The following EGFR variants were observed in gnomAD, a reference collection of about 807,000 sequenced individuals.
The protein encoded by EGFR is epidermal growth factor receptor.
Under a neutral mutation model 143.0 loss-of-function variants are expected in EGFR, and 58 were observed. The observed-to-expected ratio is 0.41, with a 90% confidence interval of 0.33 to 0.50. EGFR has a LOEUF of 0.50. Ranked by LOEUF, EGFR falls within the 20% of genes least tolerant of loss-of-function variation. The pLI, the probability that EGFR is intolerant of heterozygous loss-of-function variation, is 0.39. For synonymous variants in EGFR, 613 were observed against 594.4 expected (o/e 1.03, Z -0.45); for missense variants, 1,307 against 1,579.0 (o/e 0.83, Z 2.92).
At chr7:55,184,505 G>A (rs1257055291) in intron 20 of EGFR, among the ~76,000 whole-genome samples, 2 of 152,138 alleles carry the variant, frequency 1.3e-5, no homozygotes, top group Non-Finnish European at 2.9e-5. Context: ...ATATAATAGT[G>A]TCCATTACAG....
At chr7:55,173,242 C>T (rs1005871560) in intron 17 of EGFR, 118 bp downstream of exon 17, 27 of 1,418,062 alleles carry the variant, frequency 1.9e-5, no homozygotes, top group African/African-American at 1.8e-4. Context: ...TATTATGATG[C>T]AGAAAGAATC....
At chr7:55,068,474 T>C (rs939466149) in intron 1 of EGFR, among the ~76,000 whole-genome samples, 4 of 152,348 alleles carry the variant, frequency 2.6e-5, no homozygotes, top group East Asian at 1.9e-4. Context: ...AATGGTTTTC[T>C]TCAGAGATAG....
At chr7:55,104,672 C>T (rs550414213) in intron 1 of EGFR, among the ~76,000 whole-genome samples, 120 of 152,346 alleles carry the variant, frequency 7.9e-4, no homozygotes, top group Non-Finnish European at 1.5e-3. Flanking sequence ...CCCTGCCTGG[C>T]TTGATCCAGT....
chr7:55,127,836 A>G (rs1020385794), intron 1 of EGFR, among the ~76,000 whole-genome samples: 14 of 152,190 alleles, frequency 9.2e-5, no homozygotes, highest in African/African-American at 2.9e-4. Flanking sequence ...TTCAGATTAC[A>G]GATTGCAGAC....
At chr7:55,061,133 A>T (rs952472256) in intron 1 of EGFR, among the ~76,000 whole-genome samples, 2 of 152,244 alleles carry the variant, frequency 1.3e-5, no homozygotes, top group South Asian at 2.1e-4. Flanking sequence ...AGTGGGAACT[A>T]CTTAAGGGGA....
Position 55,137,341 on chromosome 7 carries a change from G to T in EGFR, c.89-4945G>T, listed in dbSNP as rs572034702. 4.6e-5 allele frequency among the ~76,000 whole-genome samples: 7 copies of T among 152,260 alleles called. 1 individual carries two copies. Among genetic ancestry groups the T allele is most frequent in the African/African-American group, 1.7e-4 (7 of 41,538 alleles). ...TAAAACAATTATAGTTTACTTAGAC[G>T]ATTCTAAGTGTCTAAGTGGATTTGG... is the stretch of plus-strand genomic sequence containing the variant. On this transcript the variant is annotated intron_variant, in intron 1 of 27. Coordinates refer to ENST00000275493, the MANE Select transcript of EGFR (RefSeq NM_005228.5).
At chr7:55,117,856 A>C (rs1412594374) in intron 1 of EGFR, among the ~76,000 whole-genome samples, 1 of 152,170 alleles carries the variant, frequency 6.6e-6, no homozygotes. Flanking sequence ...TAGATTTCCT[A>C]GGCCAAAACA....
intron 1 of EGFR, among the ~76,000 whole-genome samples, chr7:55,082,071 G>A (rs1790496580): frequency 6.6e-6 from 1 of 152,190 alleles, no homozygotes; most frequent in South Asian, 2.1e-4. Context: ...GCTGGGTGGT[G>A]TCCCACAGTT....
At chr7:55,166,603 TTGATGGTGG>T in intron 15 of EGFR, among the ~76,000 whole-genome samples, 1 of 100,780 alleles carries the variant, frequency 9.9e-6, no homozygotes, top group Non-Finnish European at 2.2e-5. Context: ...AATGGTGGTG[TTGATGGTGG>T]TGATGGTGGT....
chr7:55,075,191 T>TA (rs36085258), intron 1 of EGFR, among the ~76,000 whole-genome samples: 10,370 of 134,860 alleles, frequency 0.077, 492 homozygotes, highest in South Asian at 0.14. Flanking sequence ...AAGCAGGAGC[T>TA]AAAAAAAAAA....
chr7:55,140,937 C>A (rs1455455306), intron 1 of EGFR, among the ~76,000 whole-genome samples: 1 of 152,202 alleles, frequency 6.6e-6, no homozygotes, highest in Non-Finnish European at 1.5e-5. Context: ...TGCTCATTTC[C>A]ATGGCTCATT....
chr7:55,074,140 A>C (rs1053705754), intron 1 of EGFR, among the ~76,000 whole-genome samples: 1 of 152,204 alleles, frequency 6.6e-6, no homozygotes, highest in South Asian at 2.1e-4. Context: ...GCTCTGGCTC[A>C]TTCTAAGGTA....
chr7:55,083,695 A>G (rs926211463), intron 1 of EGFR, among the ~76,000 whole-genome samples: 12 of 152,260 alleles, frequency 7.9e-5, no homozygotes, highest in African/African-American at 2.7e-4. Context: ...TCCTGAAAAA[A>G]AATGGCTACT....
rs559394214 is a variant in EGFR at position 55,032,748 on chromosome 7, A to C, written c.88+13383A>C. Among the ~76,000 whole-genome samples, 3 of 152,306 alleles carry C rather than the reference A, an allele frequency of 2.0e-5. No individual in the cohort carries two copies. In the South Asian group the frequency reaches 6.2e-4, roughly 32 times the overall value. ...ATAGAGTTGATTCTCCTAACAAATC[A>C]GTGTCCCTTTGTATTTTTTTCTGGC... On this transcript the variant is annotated intron_variant, in intron 1 of 27. Transcript: ENST00000275493.
rs712829 is a variant in EGFR at position 55,019,062 on chromosome 7, G to T, written c.-216G>T. On this transcript the variant is annotated 5_prime_UTR_variant, in exon 1 of 28. Transcript: ENST00000275493. ...GCGCAGCGCGGCCGCAGCAGCCTCC[G>T]CCCCCCGCACGGTGTGAGCGCCCGA... 82,564 of 265,078 alleles carry T rather than the reference G, an allele frequency of 0.31. 14,066 individuals carry two copies. The highest frequency in any genetic ancestry group is 0.51 in the Middle Eastern group (465 of 912). The allele number at this position is 265,078 out of a possible 1,614,324, so 16.4% of individuals were successfully genotyped here. A position where few individuals can be genotyped will look rare whatever the true frequency, so the allele number is the denominator to read the frequency against.
At position 55,204,196 on chromosome 7, in the gene EGFR, T is replaced by C. The variant is rs181820161; in HGVS notation, c.3272-1060T>C. On this transcript the variant is annotated intron_variant, in intron 27 of 27. Coordinates refer to ENST00000275493, the MANE Select transcript of EGFR (RefSeq NM_005228.5). ...ACACAGACACACACGACACACACCA[T>C]ACACATGTACACACACACCACATAT... Among the ~76,000 whole-genome samples the C allele has an allele frequency of 5.6e-4, 81 of 144,560 alleles. 1 individual carries two copies. The highest frequency in any genetic ancestry group is 2.1e-3 in the African/African-American group (81 of 38,908). 94.8% of individuals were successfully genotyped at this position (144,560 alleles called of 152,430 possible).
chr7:55,176,091 G>A (rs982136796), intron 19 of EGFR, among the ~76,000 whole-genome samples: 2 of 152,212 alleles, frequency 1.3e-5, no homozygotes, highest in African/African-American at 2.4e-5. Flanking sequence ...AATCTGTGAA[G>A]CCTTTCACTT....
intron 3 of EGFR, among the ~76,000 whole-genome samples, chr7:55,144,770 C>A (rs967302536): frequency 1.3e-5 from 2 of 152,212 alleles, no homozygotes. Flanking sequence ...GGTGCCTGGA[C>A]CTCCGAGCCA....
At chr7:55,122,184 G>C (rs1311856103) in intron 1 of EGFR, among the ~76,000 whole-genome samples, 2 of 152,236 alleles carry the variant, frequency 1.3e-5, no homozygotes, top group African/African-American at 4.8e-5. Context: ...CTGGCCTGCT[G>C]TCTTCCCAGC....
Sources: allele counts gnomAD v4.1 joint callset (sites outside exome capture counted in the v4.1 genomes callset), GRCh38; gene constraint gnomAD v4.1.1; transcripts MANE v1.5; gene names NCBI Gene and HGNC (gene_info 2026-07-23, HGNC 2026-07-21).